Variants in GLIS3 observed in about 807,000 individuals in gnomAD.
The protein encoded by GLIS3 is zinc finger protein GLIS3.
A neutral mutation model predicts 78.6 loss-of-function variants in GLIS3; 53 were observed. The observed-to-expected ratio is 0.67, with a 90% CI of 0.54 to 0.85. The LOEUF is 0.85. GLIS3 is among the 40% of genes least tolerant of loss of function. GLIS3 has a pLI of 0.00. For synonymous variants in GLIS3, 684 were observed against 509.9 expected (o/e 1.34, Z -4.60); for missense variants, 1,703 against 1,231.1 (o/e 1.38, Z -5.74).
chr9:4,222,154 T>C (rs1182601432), intron 2 of GLIS3, among the ~76,000 whole-genome samples: 1 of 152,230 alleles, frequency 6.6e-6, no homozygotes. Flanking sequence ...GTCAGTGAGA[T>C]GATGAGTGTT....
chr9:4,118,170 G>C lies in GLIS3; in HGVS notation c.1308C>G (p.Phe436Leu), dbSNP rs774923229. ...GLFKTERLEE[F>L]PGSTVDLPPA... ...GGGGTAGGTCTACGGTGCTGCCCGG[G>C]AACTCCTCCAGGCGTTCGGTCTTGA... The change falls in exon 4 of 11, where the codon TTC becomes TTG. Residue 436 changes from phenylalanine (F) to leucine (L), a missense_variant. Physicochemically the swap from Phe to Leu is conservative, Grantham distance 22. Transcript: ENST00000381971. This position sits in a 1 kb window ranked among gnomAD's most constrained non-coding sequence, Gnocchi z 4.7. The C allele has an allele frequency of 1.3e-6, 2 of 1,568,402 alleles. No individual in the cohort carries two copies. Among genetic ancestry groups the C allele is most frequent in the South Asian group, 2.4e-5 (2 of 84,154 alleles).
At chr9:4,223,723 A>G (rs1587035783) in intron 2 of GLIS3, among the ~76,000 whole-genome samples, 1 of 152,106 alleles carries the variant, frequency 6.6e-6, no homozygotes, top group African/African-American at 2.4e-5. Context: ...AATTCCACCT[A>G]TGTTTCAAAA....
intron 7 of GLIS3, among the ~76,000 whole-genome samples, chr9:3,889,490 T>A (rs1024003216): frequency 5.9e-5 from 9 of 152,214 alleles, no homozygotes; most frequent in African/African-American, 2.2e-4. Flanking sequence ...AAGTATTTGC[T>A]AAATCTAAAA....
chr9:4,207,101 G>T (rs4741918), intron 2 of GLIS3, among the ~76,000 whole-genome samples: 2,250 of 152,184 alleles, frequency 0.015, 66 homozygotes, highest in East Asian at 0.11. Flanking sequence ...CCTACCTCTG[G>T]GCTACACTTC....
intron 4 of GLIS3, among the ~76,000 whole-genome samples, chr9:3,991,929 A>G (rs1039713451): frequency 1.3e-5 from 2 of 151,990 alleles, no homozygotes; most frequent in South Asian, 2.1e-4. Flanking sequence ...TGACTTCGTG[A>G]TCCGCCCGCC....
At chr9:4,339,335 C>T (rs2130580691) in intron 2 of GLIS3, among the ~76,000 whole-genome samples, 1 of 152,268 alleles carries the variant, frequency 6.6e-6, no homozygotes, top group Non-Finnish European at 1.5e-5. Context: ...TTTGAAGTAC[C>T]AAAGACAGCC....
chr9:3,939,078 T>A (rs1033045882), intron 4 of GLIS3, among the ~76,000 whole-genome samples: 1 of 152,204 alleles, frequency 6.6e-6, no homozygotes, highest in Non-Finnish European at 1.5e-5. Context: ...GTAGCCTGGT[T>A]CTTAGCAAGG....
intron 3 of GLIS3, among the ~76,000 whole-genome samples, chr9:4,124,820 A>G (rs1461908317): frequency 1.3e-5 from 2 of 152,240 alleles, no homozygotes; most frequent in African/African-American, 4.8e-5. Flanking sequence ...GCAGGGGCTT[A>G]GAGAGTAAAA....
chr9:4,472,564 A>G, the GLIS3 span, among the ~76,000 whole-genome samples: 102 of 142,956 alleles, frequency 7.1e-4, no homozygotes, highest in Non-Finnish European at 1.2e-3. Flanking sequence ...CAATGAGAAC[A>G]CTTGGACACA....
chr9:4,282,546 T>C (rs2130302217), intron 2 of GLIS3, among the ~76,000 whole-genome samples: 1 of 152,172 alleles, frequency 6.6e-6, no homozygotes, highest in South Asian at 2.1e-4. Flanking sequence ...AAACATCAGC[T>C]CTTCCTGGAT....
intron 2 of GLIS3, among the ~76,000 whole-genome samples, chr9:4,314,312 T>C (rs1817407899): frequency 2.0e-5 from 3 of 152,216 alleles, no homozygotes; most frequent in African/African-American, 7.2e-5. Context: ...GTGCTCTTTC[T>C]CCCAGGCTGC....
the GLIS3 span, among the ~76,000 whole-genome samples, chr9:4,459,524 G>T: frequency 6.6e-6 from 1 of 152,242 alleles, no homozygotes; most frequent in Non-Finnish European, 1.5e-5. Context: ...GGCACTTTGG[G>T]AGGCCAAGAT....
intron 2 of GLIS3, among the ~76,000 whole-genome samples, chr9:4,254,081 AATG>A (rs1416600846): frequency 2.6e-5 from 4 of 152,194 alleles, no homozygotes; most frequent in Admixed American, 1.3e-4. Flanking sequence ...AAGAGAATTT[AATG>A]ATGACTGGTT....
At chr9:4,352,858 T>G (rs1817992147), upstream of GLIS3, among the ~76,000 whole-genome samples, 1 of 152,232 alleles carries the variant, frequency 6.6e-6, no homozygotes, top group Non-Finnish European at 1.5e-5. Context: ...GAAGAGAATT[T>G]GTGAACTTTA....
At chr9:4,231,050 C>A (rs1779185575) in intron 2 of GLIS3, among the ~76,000 whole-genome samples, 1 of 151,648 alleles carries the variant, frequency 6.6e-6, no homozygotes, top group Non-Finnish European at 1.5e-5. Context: ...CCAGCCTAGG[C>A]AAGAGAATGA....
intron 4 of GLIS3, among the ~76,000 whole-genome samples, chr9:4,034,356 T>C (rs528333898): frequency 6.6e-6 from 1 of 152,226 alleles, no homozygotes; most frequent in Non-Finnish European, 1.5e-5. Flanking sequence ...CTAATTATTA[T>C]ATTTTCAATT....
At chr9:4,045,571 T>C (rs1368638337) in intron 4 of GLIS3, among the ~76,000 whole-genome samples, 2 of 151,670 alleles carry the variant, frequency 1.3e-5, no homozygotes, top group Non-Finnish European at 2.9e-5. Context: ...ACTCCTGACC[T>C]CGTGATCCTC....
At chr9:4,193,004 G>A (rs1328690430) in intron 2 of GLIS3, among the ~76,000 whole-genome samples, 4 of 152,248 alleles carry the variant, frequency 2.6e-5, no homozygotes, top group Non-Finnish European at 4.4e-5. Flanking sequence ...TGCTGGACCT[G>A]TGATCATGAG....
chr9:4,111,667 G>T (rs1831221098), intron 4 of GLIS3, among the ~76,000 whole-genome samples: 1 of 152,242 alleles, frequency 6.6e-6, no homozygotes, highest in African/African-American at 2.4e-5. Context: ...TCTACACTAT[G>T]TTGAACATGT....
Sources: allele counts gnomAD v4.1 joint callset (sites outside exome capture counted in the v4.1 genomes callset), GRCh38; gene constraint gnomAD v4.1.1; non-coding constraint Gnocchi (gnomAD v3.1); transcripts MANE v1.5; gene names NCBI Gene and HGNC (gene_info 2026-07-23, HGNC 2026-07-21).